The following USP40 variants were observed in gnomAD, a reference collection of about 807,000 sequenced individuals.
USP40 encodes ubiquitin specific peptidase 40, also known as ubiquitin carboxyl-terminal hydrolase 40.
USP40 carries 143 observed loss-of-function variants against 166.2 expected under a neutral mutation model. That is an observed-to-expected ratio of 0.86 (90% CI 0.75 to 0.99). The LOEUF is 0.99. USP40 is among the 50% of genes least tolerant of loss of function. The pLI, the probability that USP40 is intolerant of heterozygous loss-of-function variation, is 0.00. For missense variants in USP40, 1,444 were observed against 1,479.7 expected, an observed-to-expected ratio of 0.98 and a Z score of 0.40; for synonymous variants, 498 against 524.0, an observed-to-expected ratio of 0.95 and a Z score of 0.68.
chr2:233,520,384 T>A (rs2067570061), intron 17 of USP40, among the ~76,000 whole-genome samples: 1 of 151,994 alleles, frequency 6.6e-6, no homozygotes, highest in Non-Finnish European at 1.5e-5. Context: ...TAAGAAATTA[T>A]AATATTTATA....
intron 10 of USP40, among the ~76,000 whole-genome samples, chr2:233,540,421 G>A (rs2069295735): frequency 6.6e-6 from 1 of 152,022 alleles, no homozygotes; most frequent in Admixed American, 6.6e-5. Context: ...AGCTTTAGGG[G>A]ATGAACTCTG....
At position 233,518,194 on chromosome 2, in the gene USP40, A is replaced by T. The variant is rs114681860; in HGVS notation, c.2383+1420T>A. Among the ~76,000 whole-genome samples the T allele has an allele frequency of 9.4e-3, 1,407 of 148,914 alleles. 25 individuals carry two copies. The highest frequency in any genetic ancestry group is 0.032 in the African/African-American group (1,303 of 40,332). On this transcript the variant is annotated intron_variant, in intron 18 of 31. Transcript: ENST00000678225. ...CCTATGGAAAAAATAACAATAAAAA[A>T]TGTGCTCAAAATATGTTTTTTTTTT... is the stretch of plus-strand genomic sequence containing the variant.
At chr2:233,502,948 CAT>C (rs1425547591) in intron 21 of USP40, among the ~76,000 whole-genome samples, 1 of 151,982 alleles carries the variant, frequency 6.6e-6, no homozygotes, top group Non-Finnish European at 1.5e-5. Context: ...AAGATATCAA[CAT>C]AAGAAGACAA....
chr2:233,542,421 G>A, intron 8 of USP40, 58 bp from the exon 9 acceptor site: 1 of 1,072,430 alleles, frequency 9.3e-7, no homozygotes, highest in Non-Finnish European at 1.4e-6. Context: ...TAACAAAATA[G>A]GAATGTTGGC....
intron 10 of USP40, among the ~76,000 whole-genome samples, chr2:233,534,666 T>C (rs1475312136): frequency 6.6e-6 from 1 of 152,072 alleles, no homozygotes; most frequent in African/African-American, 2.4e-5. Context: ...ACATTGTGTA[T>C]GAGAACAGAG....
chr2:233,566,733 C>A lies in USP40; in HGVS notation c.-69G>T. On this transcript the variant is annotated 5_prime_UTR_variant, in exon 1 of 32. Transcript: ENST00000678225. ...TGGCCAAAACGCGAAGCGAACGAAC[C>A]CGCCCCAACTGGGCGCCGCCATGTT... 1 of 985,980 alleles carries A rather than the reference C, an allele frequency of 1.0e-6. No homozygotes were observed. Among genetic ancestry groups the A allele is most frequent in the Non-Finnish European group, 1.2e-6 (1 of 829,994 alleles). 61.1% of individuals were successfully genotyped at this position (985,980 alleles called of 1,614,324 possible).
rs1055595112 is a variant in USP40 at position 233,566,675 on chromosome 2, C to G, written c.-20+9G>C. 9 of 986,098 alleles carry G rather than the reference C, an allele frequency of 9.1e-6. No individual in the cohort carries two copies. Among genetic ancestry groups the G allele is most frequent in the Non-Finnish European group, 1.1e-5 (9 of 830,092 alleles). 61.1% of individuals were successfully genotyped at this position (986,098 alleles called of 1,614,324 possible). ...CCTCCCAGGATCCCCGGGCGCCAGC[C>G]GCACTTACTGCCTAAAGCCCAGACC... On this transcript the variant is annotated intron_variant, in intron 1 of 31. Coordinates refer to ENST00000678225, the MANE Select transcript of USP40 (RefSeq NM_001365479.2).
chr2:233,542,122 C>A, intron 9 of USP40, 146 bp downstream of exon 9: 2 of 404,194 alleles, frequency 4.9e-6, no homozygotes, highest in Non-Finnish European at 4.3e-6. Context: ...AATATAGATA[C>A]AGAGAATGTC....
chr2:233,524,357 T>C lies in USP40; in HGVS notation c.1881+135A>G, dbSNP rs926127733. 5 of 588,230 alleles carry C rather than the reference T, an allele frequency of 8.5e-6. No individual in the cohort carries two copies. In the African/African-American group the frequency reaches 9.9e-5, roughly 12 times the overall value. The allele number at this position is 588,230 out of a possible 1,614,324, so 36.4% of individuals were successfully genotyped here. A position where few individuals can be genotyped will look rare whatever the true frequency, so the allele number is the denominator to read the frequency against. On this transcript the variant is annotated intron_variant, in intron 15 of 31. Transcript: ENST00000678225. ...GATGGCCAGGCTGGTCTTGAATTCC[T>C]GACCTCAGGTGATCTGCCTGCCTCG...
chr2:233,481,456 T>A, intron 30 of USP40, 159 bp from the exon 31 acceptor site: 3 of 668,454 alleles, frequency 4.5e-6, no homozygotes, highest in Non-Finnish European at 7.4e-6. Flanking sequence ...TCTTGCTCGA[T>A]GAAAACAAAC....
In USP40 at chr2:233,566,726, A is replaced by C. The variant is rs189252815; in HGVS notation, c.-62T>G. The C allele has an allele frequency of 4.2e-4, 417 of 985,994 alleles. 7 individuals carry two copies. The East Asian group carries it at 0.036, about 85-fold the overall frequency. The allele number at this position is 985,994 out of a possible 1,614,324, so 61.1% of individuals were successfully genotyped here. On this transcript the variant is annotated 5_prime_UTR_variant, in exon 1 of 32. Coordinates refer to ENST00000678225, the MANE Select transcript of USP40 (RefSeq NM_001365479.2). ...CCCGCCCTGGCCAAAACGCGAAGCG[A>C]ACGAACCCGCCCCAACTGGGCGCCG...
intron 25 of USP40, chr2:233,491,486 G>A: frequency 5.3e-6 from 3 of 560,826 alleles, no homozygotes; most frequent in East Asian, 3.0e-5. Flanking sequence ...TACCTTGAAT[G>A]TACTTTTCCA....
chr2:233,524,571 A>AG lies in USP40; in HGVS notation c.1811-10dup. On this transcript the variant is annotated splice_polypyrimidine_tract_variant and intron_variant, in intron 14 of 31. Transcript: ENST00000678225. The stretch of plus-strand genomic sequence containing the variant: ...CAGTGTCAGTTCATCCCCTAGAAAG[A>AG]GATCACCAGTGAGACCATTCATCAT... 6.3e-7 allele frequency: 1 copy of AG among 1,587,002 alleles called. No individual in the cohort carries two copies. The highest frequency in any genetic ancestry group is 8.6e-7 in the Non-Finnish European group (1 of 1,167,126).
intron 24 of USP40, among the ~76,000 whole-genome samples, chr2:233,494,915 C>CATTT (rs1265219527): frequency 0.031 from 351 of 11,238 alleles, 43 homozygotes; most frequent in South Asian, 0.19. Context: ...AGCAAAATGG[C>CATTT]ATATATATAT....
intron 6 of USP40, among the ~76,000 whole-genome samples, chr2:233,552,107 GA>G (rs982705732): frequency 6.8e-6 from 1 of 147,026 alleles, no homozygotes; most frequent in Non-Finnish European, 1.5e-5. Context: ...TCTGTGAGGA[GA>G]AAAAAAATCC....
At chr2:233,536,185 A>G (rs1192374207) in intron 10 of USP40, among the ~76,000 whole-genome samples, 1 of 152,198 alleles carries the variant, frequency 6.6e-6, no homozygotes, top group Non-Finnish European at 1.5e-5. Flanking sequence ...GCAAACAGCT[A>G]TTATAAATAT....
At chr2:233,566,261 G>A (rs914302822) in intron 1 of USP40, among the ~76,000 whole-genome samples, 1 of 152,168 alleles carries the variant, frequency 6.6e-6, no homozygotes, top group East Asian at 1.9e-4. Context: ...AGCCCTGGGG[G>A]CCTAGGTGAC....
intron 28 of USP40, among the ~76,000 whole-genome samples, chr2:233,487,523 T>C (rs1284385886): frequency 1.3e-5 from 2 of 152,162 alleles, no homozygotes; most frequent in Non-Finnish European, 2.9e-5. Flanking sequence ...TAAAATTAAA[T>C]ACATGTTAGA....
intron 29 of USP40, 29 bp from the exon 30 acceptor site, chr2:233,485,655 G>A (rs932213486): frequency 6.2e-7 from 1 of 1,606,754 alleles, no homozygotes; most frequent in African/African-American, 1.3e-5. Context: ...TCTTAAATAA[G>A]CAAAACTCAA....
Sources: gnomAD v4.1 joint callset for allele counts (sites outside exome capture counted in the v4.1 genomes callset) on GRCh38, gnomAD v4.1.1 for gene constraint, MANE v1.5 for transcripts, NCBI Gene and HGNC (gene_info 2026-07-23, HGNC 2026-07-21) for gene names.